Variants in RAB1A observed in about 807,000 individuals in gnomAD.
The protein encoded by RAB1A is RAB1A, member RAS oncogene family, also known as ras-related protein Rab-1A.
RAB1A carries 2 observed loss-of-function variants against 26.0 expected under a neutral mutation model. The observed-to-expected ratio is 0.08, with a 90% CI of 0.03 to 0.24. The LOEUF is 0.24. Among genes scored for constraint, RAB1A ranks in the 10% least tolerant of loss-of-function variants. RAB1A has a pLI of 1.00. For missense variants in RAB1A, 100 were observed against 247.0 expected, an observed-to-expected ratio of 0.40 and a Z score of 3.99; for synonymous variants, 84 against 84.9, an observed-to-expected ratio of 0.99 and a Z score of 0.06.
chr2:65,128,048 T>C (rs372925340), intron 1 of RAB1A, among the ~76,000 whole-genome samples: 64 of 152,274 alleles, frequency 4.2e-4, no homozygotes, highest in African/African-American at 1.4e-3. Flanking sequence ...TCTAAACTTC[T>C]TAAGCGCAAG....
In RAB1A at chr2:65,109,366, T is replaced by C. The variant is rs140901435; in HGVS notation, c.24-4560A>G. On this transcript the variant is annotated intron_variant, in intron 1 of 5. Transcript: ENST00000409784. Reference sequence around the variant, plus strand: ...AAGTTTTTATCCTACAATAATATAATTTTGACTTAAGTGAAAAAAACTAAA... The same window carrying C: ...AAGTTTTTATCCTACAATAATATAACTTTGACTTAAGTGAAAAAAACTAAA... Among the ~76,000 whole-genome samples, 469 of 152,218 alleles carry C rather than the reference T, an allele frequency of 3.1e-3. 2 individuals carry two copies. Among genetic ancestry groups the C allele is most frequent in the African/African-American group, 0.011 (447 of 41,542 alleles).
chr2:65,106,073 C>G (rs2103851532), intron 1 of RAB1A, among the ~76,000 whole-genome samples: 1 of 152,188 alleles, frequency 6.6e-6, no homozygotes, highest in African/African-American at 2.4e-5. Flanking sequence ...AAACAAGGCT[C>G]TCTTTATGTA....
At position 65,110,571 on chromosome 2, in the gene RAB1A, A is replaced by C. The variant is rs559634586; in HGVS notation, c.24-5765T>G. On this transcript the variant is annotated intron_variant, in intron 1 of 5. Transcript: ENST00000409784. Reference sequence around the variant, plus strand: ...TATAAATGATTATAAATGGGAGGGAAGAGACAAGTCAATAACACATGCTGA... The same window carrying C: ...TATAAATGATTATAAATGGGAGGGACGAGACAAGTCAATAACACATGCTGA... 2.1e-3 allele frequency among the ~76,000 whole-genome samples: 316 copies of C among 152,312 alleles called. 1 individual carries two copies. The highest frequency in any genetic ancestry group is 7.3e-3 in the African/African-American group (304 of 41,582).
intron 1 of RAB1A, among the ~76,000 whole-genome samples, chr2:65,108,857 A>C (rs1669625517): frequency 1.3e-5 from 2 of 152,222 alleles, no homozygotes; most frequent in Admixed American, 6.5e-5. Context: ...TTTAAGGCTT[A>C]AATTAAAGCC....
intron 3 of RAB1A, among the ~76,000 whole-genome samples, chr2:65,097,129 C>T (rs1377663549): frequency 6.6e-6 from 1 of 152,176 alleles, no homozygotes; most frequent in African/African-American, 2.4e-5. Context: ...CATGTGTCAT[C>T]AGTTCCATGA....
intron 1 of RAB1A, among the ~76,000 whole-genome samples, chr2:65,107,594 T>A (rs184833369): frequency 1.7e-3 from 265 of 152,200 alleles, no homozygotes; most frequent in Admixed American, 5.3e-3. Context: ...TTCAAGTGAT[T>A]CTCAGGCCTC....
At position 65,122,430 on chromosome 2, in the gene RAB1A, C is replaced by T. The variant is rs192639193; in HGVS notation, c.23+7463G>A. On this transcript the variant is annotated intron_variant, in intron 1 of 5. Coordinates refer to ENST00000409784, the MANE Select transcript of RAB1A (RefSeq NM_004161.5). The stretch of plus-strand genomic sequence containing the variant: ...AAAATTAGCCAGGTGTGGTGGCACG[C>T]GCTTGTATTCTCAGCTACTCAGGAG... 2.5e-3 allele frequency among the ~76,000 whole-genome samples: 375 copies of T among 150,846 alleles called. 4 individuals are homozygous for T. Among genetic ancestry groups the T allele is most frequent in the African/African-American group, 8.5e-3 (350 of 41,118 alleles).
intron 1 of RAB1A, among the ~76,000 whole-genome samples, chr2:65,121,178 G>A (rs1383051979): frequency 6.9e-6 from 1 of 144,698 alleles, no homozygotes; most frequent in Non-Finnish European, 1.5e-5. Context: ...AGACTGCAGT[G>A]AGCCATGACT....
Position 65,087,126 on chromosome 2 carries a change from A to T in RAB1A, c.*1367T>A, listed in dbSNP as rs749087321. ...GAAGAATGTTTTGGCTGCTATTTCA[A>T]CCTAAGGAAACAACGTTTGACCTCA... On this transcript the variant is annotated 3_prime_UTR_variant, in exon 6 of 6. Transcript: ENST00000409784. 12 of 152,332 alleles carry T rather than the reference A, an allele frequency of 7.9e-5. No individual in the cohort carries two copies. Among genetic ancestry groups the T allele is most frequent in the Non-Finnish European group, 1.8e-4 (12 of 68,018 alleles). 9.4% of individuals were successfully genotyped at this position (152,332 alleles called of 1,614,324 possible).
chr2:65,098,129 G>T (rs1459210475), intron 2 of RAB1A, 63 bp from the exon 3 acceptor site: 5 of 928,626 alleles, frequency 5.4e-6, no homozygotes, highest in Admixed American at 3.7e-5. Flanking sequence ...AAGTCTAAGT[G>T]GAAAAAAAAA....
chr2:65,104,196 C>T lies in RAB1A; in HGVS notation c.96+538G>A, dbSNP rs149342386. On this transcript the variant is annotated intron_variant, in intron 2 of 5. Coordinates refer to ENST00000409784, the MANE Select transcript of RAB1A (RefSeq NM_004161.5). ...CATTTAGAACTATGCCATTGGCCAACGAAGTTTGTCCAAGACCCTACTTTT... is the reference window on the plus strand; with the variant it reads ...CATTTAGAACTATGCCATTGGCCAATGAAGTTTGTCCAAGACCCTACTTTT... Among the ~76,000 whole-genome samples, 308 of 152,178 alleles carry T rather than the reference C, an allele frequency of 2.0e-3. 1 individual carries two copies. The highest frequency in any genetic ancestry group is 7.0e-3 in the African/African-American group (290 of 41,526).
chr2:65,104,061 A>G (rs1669499315), intron 2 of RAB1A, among the ~76,000 whole-genome samples: 1 of 152,186 alleles, frequency 6.6e-6, no homozygotes, highest in Admixed American at 6.5e-5. Context: ...TACAGGCGTG[A>G]GCCACCGCAC....
intron 1 of RAB1A, among the ~76,000 whole-genome samples, chr2:65,113,222 T>A (rs1254636962): frequency 1.3e-5 from 2 of 152,212 alleles, no homozygotes; most frequent in African/African-American, 2.4e-5. Context: ...TCAATTTCCA[T>A]TATTTGTTTG....
intron 3 of RAB1A, among the ~76,000 whole-genome samples, chr2:65,092,359 A>G (rs1363379338): frequency 6.6e-6 from 1 of 152,170 alleles, no homozygotes; most frequent in Non-Finnish European, 1.5e-5. Context: ...TGACTTCAAA[A>G]CATCAAATCC....
chr2:65,111,347 A>G (rs34374525), intron 1 of RAB1A, among the ~76,000 whole-genome samples: 122,985 of 150,108 alleles, frequency 0.82, 50,494 homozygotes, highest in African/African-American at 0.83. Flanking sequence ...AGGCGACAGA[A>G]CGAGACACCA....
chr2:65,115,317 AT>A (rs1205189455), intron 1 of RAB1A, among the ~76,000 whole-genome samples: 1 of 152,228 alleles, frequency 6.6e-6, no homozygotes, highest in Non-Finnish European at 1.5e-5. Context: ...TTAAGGGAAA[AT>A]TATCAAGACT....
chr2:65,097,229 G>T (rs981524700), intron 3 of RAB1A, among the ~76,000 whole-genome samples: 3 of 152,014 alleles, frequency 2.0e-5, no homozygotes, highest in African/African-American at 7.2e-5. Flanking sequence ...TTTTTTAAAA[G>T]ACCACAGATA....
At position 65,130,082 on chromosome 2, in the gene RAB1A, C is replaced by A; in HGVS notation, c.-167G>T. The A allele has an allele frequency of 1.3e-6, 1 of 792,004 alleles. No individual in the cohort carries two copies. Among genetic ancestry groups the A allele is most frequent in the Non-Finnish European group, 2.1e-6 (1 of 476,848 alleles). The allele number at this position is 792,004 out of a possible 1,614,324, so 49.1% of individuals were successfully genotyped here. On this transcript the variant is annotated 5_prime_UTR_variant, in exon 1 of 6. Transcript: ENST00000409784. ...AGAACACAATCAGCAGCCGCCGCCA[C>A]TCAGCTATCGCTTCCACCCAAAATG...
intron 3 of RAB1A, among the ~76,000 whole-genome samples, chr2:65,093,469 C>CG (rs1669215691): frequency 6.6e-6 from 1 of 151,982 alleles, no homozygotes. Context: ...GATAAAGACC[C>CG]AGATGTCACA....
Sources: gnomAD v4.1 joint callset for allele counts (sites outside exome capture counted in the v4.1 genomes callset) on GRCh38, gnomAD v4.1.1 for gene constraint, MANE v1.5 for transcripts, NCBI Gene and HGNC (gene_info 2026-07-23, HGNC 2026-07-21) for gene names.